Variants in TCF7L1 observed in about 807,000 individuals in gnomAD.
TCF7L1 encodes the protein transcription factor 7 like 1, also known as transcription factor 7-like 1.
Under a neutral mutation model 63.7 loss-of-function variants are expected in TCF7L1, and 18 were observed. The ratio of observed to expected loss-of-function variants is 0.28; its 90% CI spans 0.20 to 0.42. TCF7L1 has a LOEUF of 0.42. Among genes scored for constraint, TCF7L1 ranks in the 10% least tolerant of loss-of-function variants. TCF7L1 has a pLI of 1.00. For missense variants in TCF7L1, 654 were observed against 779.3 expected (o/e 0.84, Z 1.91); for synonymous variants, 355 against 340.9 (o/e 1.04, Z -0.46).
intron 3 of TCF7L1, among the ~76,000 whole-genome samples, chr2:85,239,123 A>G (rs964776124): frequency 1.6e-4 from 25 of 152,182 alleles, no homozygotes; most frequent in African/African-American, 5.3e-4. Flanking sequence ...GTAGAATTTA[A>G]CTGTGTAGAA....
chr2:85,221,731 G>T (rs926365378), intron 3 of TCF7L1, among the ~76,000 whole-genome samples: 2 of 152,142 alleles, frequency 1.3e-5, no homozygotes, highest in African/African-American at 2.4e-5. Context: ...GTTGCATTAT[G>T]CATTAAGTTT....
At chr2:85,158,694 T>C (rs1334771317) in intron 3 of TCF7L1, among the ~76,000 whole-genome samples, 1 of 152,240 alleles carries the variant, frequency 6.6e-6, no homozygotes, top group Non-Finnish European at 1.5e-5. Flanking sequence ...TTCATCTACA[T>C]GTCCAGCTTT....
intron 3 of TCF7L1, among the ~76,000 whole-genome samples, chr2:85,147,532 A>G (rs977828322): frequency 4.0e-5 from 6 of 151,798 alleles, no homozygotes; most frequent in African/African-American, 1.5e-4. Flanking sequence ...TTGGGGTCCA[A>G]GGGGATTCCA....
intron 3 of TCF7L1, among the ~76,000 whole-genome samples, chr2:85,259,265 G>T (rs897621629): frequency 1.3e-5 from 2 of 152,196 alleles, no homozygotes; most frequent in African/African-American, 4.8e-5. Context: ...TAAGCGCCCC[G>T]CCAATCCCCG....
intron 3 of TCF7L1, among the ~76,000 whole-genome samples, chr2:85,261,356 G>T (rs570160621): frequency 6.6e-6 from 1 of 152,284 alleles, no homozygotes; most frequent in Non-Finnish European, 1.5e-5. Context: ...TCCAGTGGCT[G>T]CTGTTTAAAG....
intron 3 of TCF7L1, among the ~76,000 whole-genome samples, chr2:85,220,480 C>T (rs771034210): frequency 1.3e-5 from 2 of 152,106 alleles, no homozygotes; most frequent in Non-Finnish European, 2.9e-5. Flanking sequence ...ATTCTCCTGC[C>T]TCAGCCTTCC....
chr2:85,265,763 TG>T (rs1386647570), intron 3 of TCF7L1, among the ~76,000 whole-genome samples: 1 of 149,608 alleles, frequency 6.7e-6, no homozygotes, highest in Non-Finnish European at 1.5e-5. Flanking sequence ...TAGACTTTAC[TG>T]GGTTTTTTTT....
At chr2:85,216,079 A>T (rs1015820404) in intron 3 of TCF7L1, among the ~76,000 whole-genome samples, 29 of 151,764 alleles carry the variant, frequency 1.9e-4, no homozygotes, top group African/African-American at 6.8e-4. Context: ...TTCCTTGAGG[A>T]GCTTGGCTTT....
chr2:85,239,951 A>C (rs1024026861), intron 3 of TCF7L1, among the ~76,000 whole-genome samples: 7 of 151,778 alleles, frequency 4.6e-5, no homozygotes, highest in East Asian at 1.9e-4. Flanking sequence ...ATCTAAAAAA[A>C]AAAAAAAAAA....
At chr2:85,284,313 G>A (rs948777312) in intron 4 of TCF7L1, among the ~76,000 whole-genome samples, 8 of 152,236 alleles carry the variant, frequency 5.3e-5, no homozygotes, top group Non-Finnish European at 1.2e-4. Context: ...CCCGGCCGAA[G>A]AGGCTCTTCT....
intron 3 of TCF7L1, among the ~76,000 whole-genome samples, chr2:85,139,299 G>A (rs1016690037): frequency 9.2e-5 from 14 of 152,106 alleles, no homozygotes; most frequent in East Asian, 3.9e-4. Flanking sequence ...GAGCCACTGC[G>A]CCCAGCCTAG....
intron 3 of TCF7L1, among the ~76,000 whole-genome samples, chr2:85,258,128 G>A (rs80322989): frequency 0.027 from 4,155 of 152,282 alleles, 85 homozygotes; most frequent in Non-Finnish European, 0.039. Context: ...TGGGATAAAG[G>A]TTAGCCTGTA....
At chr2:85,308,453 C>T (rs1278814418) in intron 11 of TCF7L1, among the ~76,000 whole-genome samples, 2 of 73,164 alleles carry the variant, frequency 2.7e-5, no homozygotes, top group Non-Finnish European at 5.2e-5. Flanking sequence ...TTCTCTTTCC[C>T]TCCCTCTCTT....
In TCF7L1 at chr2:85,229,458, G is replaced by T. The variant is rs181106719; in HGVS notation, c.442-54037G>T. ...TCTGCTAAAGAGATGGAGAGAGAAA[G>T]AACTGGAATGATAGGAACATGTGTA... On this transcript the variant is annotated intron_variant, in intron 3 of 11. Coordinates refer to ENST00000282111, the MANE Select transcript of TCF7L1 (RefSeq NM_031283.3). Among the ~76,000 whole-genome samples, 14 of 152,306 alleles carry T rather than the reference G, an allele frequency of 9.2e-5. No homozygotes were observed. In the East Asian group the frequency reaches 2.5e-3, roughly 27 times the overall value.
At chr2:85,174,286 C>A (rs1276878021) in intron 3 of TCF7L1, among the ~76,000 whole-genome samples, 1 of 152,072 alleles carries the variant, frequency 6.6e-6, no homozygotes, top group Non-Finnish European at 1.5e-5. Flanking sequence ...TTTCAAGGTT[C>A]CTCTGTGTCA....
At chr2:85,141,127 A>G (rs528498717) in intron 3 of TCF7L1, among the ~76,000 whole-genome samples, 3 of 152,286 alleles carry the variant, frequency 2.0e-5, no homozygotes, top group East Asian at 3.9e-4. Context: ...CTCTAACAAA[A>G]TTTTAAAACT....
intron 3 of TCF7L1, among the ~76,000 whole-genome samples, chr2:85,171,953 C>T (rs1171575652): frequency 6.6e-6 from 1 of 152,112 alleles, no homozygotes; most frequent in Non-Finnish European, 1.5e-5. Context: ...TAAACACATC[C>T]CGGGTTACTG....
At chr2:85,206,818 G>T (rs1679420022) in intron 3 of TCF7L1, among the ~76,000 whole-genome samples, 1 of 152,060 alleles carries the variant, frequency 6.6e-6, no homozygotes, top group African/African-American at 2.4e-5. Flanking sequence ...ATTAATCCCA[G>T]GAAACAAACG....
chr2:85,261,912 C>T (rs1414574509), intron 3 of TCF7L1, among the ~76,000 whole-genome samples: 1 of 152,176 alleles, frequency 6.6e-6, no homozygotes, highest in Non-Finnish European at 1.5e-5. Context: ...AATCCCATAG[C>T]ATTTATTGCC....
Sources: allele counts gnomAD v4.1 joint callset (sites outside exome capture counted in the v4.1 genomes callset), GRCh38; gene constraint gnomAD v4.1.1; transcripts MANE v1.5; gene names NCBI Gene and HGNC (gene_info 2026-07-23, HGNC 2026-07-21).